STAB1: variants seen among roughly 807,000 people sequenced by gnomAD.
The protein encoded by STAB1 is stabilin-1.
STAB1 carries 250 observed loss-of-function variants against 332.4 expected under a neutral mutation model. The ratio of observed to expected loss-of-function variants is 0.75; its 90% CI spans 0.68 to 0.84. The LOEUF is 0.84. Among genes scored for constraint, STAB1 ranks in the 40% least tolerant of loss-of-function variants. The pLI, the probability that STAB1 is intolerant of heterozygous loss-of-function variation, is 0.00. For synonymous variants in STAB1, 1,475 were observed against 1,390.4 expected (o/e 1.06, Z -1.35); for missense variants, 3,249 against 3,489.7 (o/e 0.93, Z 1.74).
Position 52,508,015 on chromosome 3 carries a change from C to A in STAB1, c.2137C>A (p.Gln713Lys), listed in dbSNP as rs763035003. ...LKKGCASYCN[Q>K]TIMEQGCCKG... ...GAAGGGCTGTGCCAGCTACTGCAAC[C>A]AAACCATCATGGTAAGCGTGGGCAT... Residue 713 changes from glutamine (Q) to lysine (K), a missense_variant, in exon 20 of 69, where the codon CAA becomes AAA. Physicochemically the swap from Gln to Lys is moderately conservative, Grantham distance 53. Coordinates refer to ENST00000321725, the MANE Select transcript of STAB1 (RefSeq NM_015136.3). 1.2e-5 allele frequency: 19 copies of A among 1,613,416 alleles called. No homozygotes were observed. The Admixed American group carries it at 1.3e-4, about 11-fold the overall frequency.
At chr3:52,506,500 GTA>G (rs1340817291) in intron 17 of STAB1, among the ~76,000 whole-genome samples, 190 bp from the exon 18 acceptor site, 1 of 152,250 alleles carries the variant, frequency 6.6e-6, no homozygotes, top group African/African-American at 2.4e-5. Context: ...AGCCATGTGG[GTA>G]AGGACCCGCA....
In STAB1 at chr3:52,520,492, G is replaced by A. The variant is rs760902668; in HGVS notation, c.5592G>A (p.Leu1864=). 3.1e-6 allele frequency: 5 copies of A among 1,612,626 alleles called. No individual in the cohort carries two copies. The Admixed American group carries it at 6.7e-5, about 21-fold the overall frequency. The change falls in exon 53 of 69, where the codon CTG becomes CTA. Residue 1864 remains leucine (L), a synonymous_variant. Coordinates refer to ENST00000321725, the MANE Select transcript of STAB1 (RefSeq NM_015136.3). ...GGLAYGIDQL[L]EPPGLGARCD... ...TGGCCTATGGCATCGACCAGCTGCT[G>A]GAGCCACCTGGCCTTGGTGCTCGCT...
rs372755408 is a variant in STAB1, at chr3:52,523,062, C to T, written c.6948C>T (p.Asp2316=). The change falls in exon 63 of 69, where the codon GAC becomes GAT. Residue 2316 remains aspartate, a synonymous_variant. Coordinates refer to ENST00000321725, the MANE Select transcript of STAB1 (RefSeq NM_015136.3). ...ACRCRNGFVG[D]GISTCNGKLL... is the part of the protein sequence containing the mutation. Reference sequence around the variant, plus strand: ...GATGCCGAAATGGCTTCGTGGGTGACGGGATCAGCACGTGCAATGGGAAGC... The same window carrying T: ...GATGCCGAAATGGCTTCGTGGGTGATGGGATCAGCACGTGCAATGGGAAGC... The T allele has an allele frequency of 2.0e-5, 31 of 1,569,706 alleles. No homozygotes were observed. The Admixed American group carries it at 2.9e-4, about 15-fold the overall frequency.
In STAB1 at chr3:52,507,911, C is replaced by G; in HGVS notation, c.2053-20C>G. ...CCCAGAACCCACACCCACTGACTGG[C>G]TTTGCATGGCCCACCCTAGGACATC... On this transcript the variant is annotated intron_variant, in intron 19 of 68. Transcript: ENST00000321725. 1 of 1,609,144 alleles carries G rather than the reference C, an allele frequency of 6.2e-7. No individual in the cohort carries two copies. The highest frequency in any genetic ancestry group is 8.5e-7 in the Non-Finnish European group (1 of 1,176,910).
In STAB1 at chr3:52,515,040, C is replaced by G; in HGVS notation, c.3859C>G (p.Leu1287Val). 1 of 1,613,470 alleles carries G rather than the reference C, an allele frequency of 6.2e-7. No homozygotes were observed. The highest frequency in any genetic ancestry group is 8.5e-7 in the Non-Finnish European group (1 of 1,180,006). The change falls in exon 36 of 69, where the codon CTG becomes GTG. Residue 1287 changes from leucine (L) to valine (V), a missense_variant. Physicochemically the swap from Leu to Val is conservative, Grantham distance 32 (BLOSUM62 1). Transcript: ENST00000321725. ...ATTCCGCTGCACTCAGGGCTTCCAGCTGCAGGTGAGACTGGGCTTAGCGCA... is the reference window on the plus strand; with the variant it reads ...ATTCCGCTGCACTCAGGGCTTCCAGGTGCAGGTGAGACTGGGCTTAGCGCA... ...RRFRCTQGFQ[L>V]QDTPRKSCVY...
At chr3:52,496,660 TC>T (rs1015609338) in intron 1 of STAB1, among the ~76,000 whole-genome samples, 2 of 152,182 alleles carry the variant, frequency 1.3e-5, no homozygotes, top group African/African-American at 4.8e-5. Flanking sequence ...GCTCCTGCCC[TC>T]CCCTTAACTC....
In STAB1 at chr3:52,523,236, T is replaced by C. The variant is rs951668500; in HGVS notation, c.7035T>C (p.Tyr2345=). The C allele has an allele frequency of 7.4e-6, 12 of 1,613,172 alleles. No homozygotes were observed. The highest frequency in any genetic ancestry group is 4.5e-5 in the East Asian group (2 of 44,902). The change falls in exon 64 of 69, where the codon TAT becomes TAC. Residue 2345 remains tyrosine (Y), a synonymous_variant. Transcript: ENST00000321725. ...CACCGTGCCAGATGCTATTGGGCTA[T>C]GCCAATGCCACCCAGCGGGGTCTCG... ...FSTFYGMLLG[Y]ANATQRGLDF... is the part of the protein sequence containing the mutation.
chr3:52,514,298 G>A, intron 33 of STAB1, 67 bp from the exon 34 acceptor site: 2 of 1,587,828 alleles, frequency 1.3e-6, no homozygotes, highest in East Asian at 4.5e-5. Context: ...GGACACAGTG[G>A]GTGTGGCGTG....
In STAB1 at chr3:52,509,254, A is replaced by C. The variant is rs144173754; in HGVS notation, c.2280A>C (p.Pro760=). Residue 760 remains proline, a synonymous_variant, in exon 22 of 69, where the codon CCA becomes CCC. Coordinates refer to ENST00000321725, the MANE Select transcript of STAB1 (RefSeq NM_015136.3). ...GCAATGGGGCCTGCCTCTGCTTCCCAGACTACAAGGGCATCGCCTGCCACA... is the reference window on the plus strand; with the variant it reads ...GCAATGGGGCCTGCCTCTGCTTCCCCGACTACAAGGGCATCGCCTGCCACA... ...IQGNGACLCF[P]DYKGIACHIC... 1.9e-6 allele frequency: 3 copies of C among 1,613,538 alleles called. No individual in the cohort carries two copies. Among genetic ancestry groups the C allele is most frequent in the Non-Finnish European group, 2.5e-6 (3 of 1,179,992 alleles).
At chr3:52,503,694 G>A in intron 8 of STAB1, 78 bp from the exon 9 acceptor site, 1 of 1,594,122 alleles carries the variant, frequency 6.3e-7, no homozygotes, top group South Asian at 1.1e-5. Context: ...GGGCTGAGCA[G>A]GGCTCTATGG....
Position 52,517,601 on chromosome 3 carries a change from G to A in STAB1, c.4615G>A (p.Glu1539Lys), listed in dbSNP as rs536334692. The change falls in exon 44 of 69, where the codon GAG (glutamate) becomes AAG (lysine). Residue 1539 changes from glutamate to lysine, a missense_variant. By Grantham distance (56) the Glu-to-Lys change is moderately conservative. Coordinates refer to ENST00000321725, the MANE Select transcript of STAB1 (RefSeq NM_015136.3). Reference protein sequence around the residue: ...GYSGDGIRTCELLDPCSKNNG... With the variant: ...GYSGDGIRTCKLLDPCSKNNG... ...CAGCGGGGATGGCATCCGGACCTGC[G>A]AGCTCCTGGACCCCTGCTCTAAGGT... The A allele has an allele frequency of 5.0e-6, 8 of 1,612,678 alleles. No homozygotes were observed. In the East Asian group the frequency reaches 6.7e-5, roughly 13 times the overall value.
chr3:52,501,300 C>T lies in STAB1; in HGVS notation c.213C>T (p.Cys71=). The T allele has an allele frequency of 2.5e-6, 4 of 1,612,874 alleles. No homozygotes were observed. Among genetic ancestry groups the T allele is most frequent in the Non-Finnish European group, 3.4e-6 (4 of 1,179,760 alleles). Residue 71 remains cysteine (C), a splice_region_variant and synonymous_variant, in exon 2 of 69, where the codon TGC becomes TGT. Transcript: ENST00000321725. The part of the protein sequence containing the change: ...RELPDQITQD[C]RYEVQLGGSM... ...TCCCGGATCAGATAACCCAGGACTGCCGGTGCGGGCCACCCCTGTCCTTGC... is the reference window on the plus strand; with the variant it reads ...TCCCGGATCAGATAACCCAGGACTGTCGGTGCGGGCCACCCCTGTCCTTGC...
At position 52,524,137 on chromosome 3, in the gene STAB1, A is replaced by G. The variant is rs1158917494; in HGVS notation, c.7580A>G (p.Gln2527Arg). 1.9e-6 allele frequency: 3 copies of G among 1,613,940 alleles called. No individual in the cohort carries two copies. The highest frequency in any genetic ancestry group is 1.7e-5 in the Admixed American group (1 of 60,028). The stretch of plus-strand genomic sequence containing the variant: ...GCTGATGACGACTTCTCACCGTGGC[A>G]AGAAGGGACCAACCCCACCCTGGTC... ...DDADDDFSPW[Q>R]EGTNPTLVSV... The change falls in exon 68 of 69, where the codon CAA becomes CGA. Residue 2527 changes from glutamine to arginine, a missense_variant. Physicochemically the swap from Gln to Arg is conservative, Grantham distance 43. Transcript: ENST00000321725.
rs2078886776 is a variant in STAB1, at chr3:52,516,920, C to G, written c.4364-64C>G. 9 of 1,605,098 alleles carry G rather than the reference C, an allele frequency of 5.6e-6. No homozygotes were observed. In the East Asian group the frequency reaches 2.0e-4, roughly 36 times the overall value. On this transcript the variant is annotated intron_variant, in intron 41 of 68. Coordinates refer to ENST00000321725, the MANE Select transcript of STAB1 (RefSeq NM_015136.3). ...GACCTTTTCCTTTCTCTCACGCCCTCCTCTCCTGTCCTGCCTCCGGCCCCG... is the reference window on the plus strand; with the variant it reads ...GACCTTTTCCTTTCTCTCACGCCCTGCTCTCCTGTCCTGCCTCCGGCCCCG...
chr3:52,508,442 G>C (rs1051273037), intron 21 of STAB1, 83 bp downstream of exon 21: 2 of 1,362,420 alleles, frequency 1.5e-6, no homozygotes, highest in African/African-American at 1.4e-5. Flanking sequence ...CTGTGTGTCT[G>C]GGCCAAGCCT....
intron 50 of STAB1, 109 bp downstream of exon 50, chr3:52,519,673 C>G: frequency 6.8e-7 from 1 of 1,468,900 alleles, no homozygotes; most frequent in Non-Finnish European, 9.3e-7. Flanking sequence ...CACACTGTCC[C>G]GTGTGAGCCT....
chr3:52,520,560 C>A lies in STAB1; in HGVS notation c.5649+11C>A. 6.2e-7 allele frequency: 1 copy of A among 1,610,852 alleles called. No individual in the cohort carries two copies. Among genetic ancestry groups the A allele is most frequent in the Non-Finnish European group, 8.5e-7 (1 of 1,178,418 alleles). On this transcript the variant is annotated intron_variant, in intron 53 of 68. Coordinates refer to ENST00000321725, the MANE Select transcript of STAB1 (RefSeq NM_015136.3). ...CGGCCCCTGCGACTGGTGAGGGAGG[C>A]CAGAGGCAGACGGGCAGAAGCCCAC...
Position 52,509,542 on chromosome 3 carries a change from G to T in STAB1, c.2347+221G>T, listed in dbSNP as rs571541970. 19 of 592,998 alleles carry T rather than the reference G, an allele frequency of 3.2e-5. No homozygotes were observed. In the South Asian group the frequency reaches 3.7e-4, roughly 11 times the overall value. The allele number at this position is 592,998 out of a possible 1,614,324, so 36.7% of individuals were successfully genotyped here. A position where few individuals can be genotyped will look rare whatever the true frequency, so the allele number is the denominator to read the frequency against. ...CCAAGGGGAGTGGAGGAAGATTTGAGAACAGAAAGGAGATGCTGTCTGCTT... is the reference window on the plus strand; with the variant it reads ...CCAAGGGGAGTGGAGGAAGATTTGATAACAGAAAGGAGATGCTGTCTGCTT... On this transcript the variant is annotated intron_variant, in intron 22 of 68. Transcript: ENST00000321725.
In STAB1 at chr3:52,520,458, A is replaced by G; in HGVS notation, c.5558A>G (p.Glu1853Gly). The change falls in exon 53 of 69, where the codon GAG (glutamate) becomes GGG (glycine). Residue 1853 changes from glutamate (E) to glycine (G), a missense_variant. Transcript: ENST00000321725. Reference sequence around the variant, plus strand: ...ATTGTGCAGCGGCACTTGCCCTTTGAGGGTGGCCTGGCCTATGGCATCGAC... The same window carrying G: ...ATTGTGCAGCGGCACTTGCCCTTTGGGGGTGGCCTGGCCTATGGCATCGAC... The part of the protein sequence containing the change: ...ARIVQRHLPF[E>G]GGLAYGIDQL... 1 of 1,612,700 alleles carries G rather than the reference A, an allele frequency of 6.2e-7. No individual in the cohort carries two copies. The highest frequency in any genetic ancestry group is 8.5e-7 in the Non-Finnish European group (1 of 1,179,866).
Sources: gnomAD v4.1 joint callset for allele counts (sites outside exome capture counted in the v4.1 genomes callset) on GRCh38, gnomAD v4.1.1 for gene constraint, MANE v1.5 for transcripts, NCBI Gene and HGNC (gene_info 2026-07-23, HGNC 2026-07-21) for gene names.